Variants in FMN2 observed in about 807,000 individuals in gnomAD.
FMN2 encodes formin-2.
Under a neutral mutation model 142.3 loss-of-function variants are expected in FMN2, and 51 were observed. The ratio of observed to expected loss-of-function variants is 0.36; its 90% confidence interval spans 0.29 to 0.45. The LOEUF (loss-of-function observed/expected upper bound fraction) is 0.45, where lower values mean the gene tolerates loss of function less well. Among genes scored for constraint, FMN2 ranks in the 20% least tolerant of loss-of-function variants. The probability of loss-of-function intolerance (pLI) is 1.00; values close to 1 mark genes in which losing one functional copy is unlikely to be tolerated. For synonymous variants in FMN2, 882 were observed against 869.8 expected (o/e 1.01, Z -0.25); for missense variants, 1,936 against 2,122.8 (o/e 0.91, Z 1.73).
intron 14 of FMN2, among the ~76,000 whole-genome samples, chr1:240,364,691 A>G (rs1455726318): frequency 1.3e-5 from 2 of 152,236 alleles, no homozygotes; most frequent in Admixed American, 6.5e-5. Flanking sequence ...GGGAGTCCCT[A>G]ACCACCGCCT....
chr1:240,118,546 G>T (rs1478378705), intron 1 of FMN2, among the ~76,000 whole-genome samples: 8 of 152,114 alleles, frequency 5.3e-5, no homozygotes, highest in Non-Finnish European at 1.0e-4. Flanking sequence ...GCACAGTGAG[G>T]GATTTGATTT....
chr1:240,125,020 C>T (rs541299332), intron 2 of FMN2, among the ~76,000 whole-genome samples: 1 of 152,302 alleles, frequency 6.6e-6, no homozygotes, highest in South Asian at 2.1e-4. Context: ...CAACAGTGCT[C>T]TCTTATCAGC....
At position 240,208,431 on chromosome 1, in the gene FMN2, C is replaced by A. The variant is rs145138533; in HGVS notation, c.3619C>A (p.Pro1207Thr). The A allele has an allele frequency of 1.9e-6, 3 of 1,595,558 alleles. No homozygotes were observed. Among genetic ancestry groups the A allele is most frequent in the Non-Finnish European group, 2.6e-6 (3 of 1,166,814 alleles). The change falls in exon 5 of 18, where the codon CCC becomes ACC. Residue 1207 changes from proline (P) to threonine (T), a missense_variant. Coordinates refer to ENST00000319653, the MANE Select transcript of FMN2 (RefSeq NM_020066.5). ...PPPPLPGAGI[P>T]PPPPLPGMGI... ...GCCCCCTCTACCTGGTGCTGGGATT[C>A]CCCCACCTCCTCCCTTGCCAGGTAT...
At chr1:240,131,297 T>C (rs142444138) in intron 2 of FMN2, among the ~76,000 whole-genome samples, 90 of 152,286 alleles carry the variant, frequency 5.9e-4, no homozygotes, top group African/African-American at 2.0e-3. Context: ...GAGATATTTA[T>C]AGTACAAGGA....
intron 15 of FMN2, among the ~76,000 whole-genome samples, chr1:240,399,901 A>G (rs1026742180): frequency 1.3e-5 from 2 of 152,178 alleles, no homozygotes; most frequent in East Asian, 3.9e-4. Flanking sequence ...CACTGTCCTA[A>G]TCCTAGCTTT....
At chr1:240,337,211 T>TTC (rs1558440617) in intron 13 of FMN2, among the ~76,000 whole-genome samples, 3 of 142,168 alleles carry the variant, frequency 2.1e-5, no homozygotes, top group African/African-American at 8.5e-5. Flanking sequence ...TTCTTTTTTT[T>TTC]TTTTTTTTTT....
chr1:240,095,702 T>A (rs75871592), intron 1 of FMN2, among the ~76,000 whole-genome samples: 3,739 of 152,040 alleles, frequency 0.025, 142 homozygotes, highest in African/African-American at 0.086. Context: ...TCCTGGAAGA[T>A]CACAAGACCC....
At chr1:240,353,701 AT>A (rs1672171514) in intron 13 of FMN2, among the ~76,000 whole-genome samples, 1 of 152,232 alleles carries the variant, frequency 6.6e-6, no homozygotes, top group Non-Finnish European at 1.5e-5. Flanking sequence ...AAGTAAGCAT[AT>A]TAATCATCTA....
intron 2 of FMN2, among the ~76,000 whole-genome samples, chr1:240,145,645 G>A (rs548740048): frequency 2.0e-5 from 3 of 146,812 alleles, no homozygotes; most frequent in Non-Finnish European, 4.5e-5. Context: ...GAGTAGCGAG[G>A]ACCACAGGCA....
intron 11 of FMN2, among the ~76,000 whole-genome samples, chr1:240,331,435 T>G (rs1671376120): frequency 6.6e-6 from 1 of 152,092 alleles, no homozygotes; most frequent in Non-Finnish European, 1.5e-5. Flanking sequence ...ACGGTAAACT[T>G]AAAAAATAAA....
intron 6 of FMN2, among the ~76,000 whole-genome samples, chr1:240,244,040 T>A (rs7546638): frequency 0.31 from 46,585 of 152,160 alleles, 7,692 homozygotes; most frequent in East Asian, 0.52. Context: ...AGTTTTCACA[T>A]TCTGAGGTTC....
chr1:240,350,689 C>T (rs1672067270), intron 13 of FMN2, among the ~76,000 whole-genome samples: 1 of 152,162 alleles, frequency 6.6e-6, no homozygotes, highest in African/African-American at 2.4e-5. Flanking sequence ...TCCGTTTAAC[C>T]AGTGCTTTGA....
intron 15 of FMN2, among the ~76,000 whole-genome samples, chr1:240,406,551 T>G (rs566810824): frequency 1.3e-5 from 2 of 152,218 alleles, no homozygotes; most frequent in Non-Finnish European, 2.9e-5. Context: ...AACTTCTGTA[T>G]CTCCATTTTC....
intron 14 of FMN2, among the ~76,000 whole-genome samples, chr1:240,382,904 A>G (rs1673279111): frequency 6.6e-6 from 1 of 152,198 alleles, no homozygotes. Context: ...GTACTGGTAC[A>G]AAATTAGGCA....
At position 240,451,277 on chromosome 1, in the gene FMN2, T is replaced by G. The variant is rs557790423; in HGVS notation, c.5060+13067T>G. ...ATGAGGCTGAGGCAGGGGAATCACT[T>G]GAACCTGGGAGGTGGAGGGTGCAGT... On this transcript the variant is annotated intron_variant, in intron 16 of 17. Transcript: ENST00000319653. 1.1e-4 allele frequency among the ~76,000 whole-genome samples: 17 copies of G among 151,122 alleles called. No individual in the cohort carries two copies. In the South Asian group the frequency reaches 3.6e-3, roughly 32 times the overall value.
chr1:240,446,124 A>G (rs1312654930), intron 16 of FMN2, among the ~76,000 whole-genome samples: 1 of 152,218 alleles, frequency 6.6e-6, no homozygotes, highest in Non-Finnish European at 1.5e-5. Context: ...CCAGGATATT[A>G]AGATATTTAC....
intron 6 of FMN2, among the ~76,000 whole-genome samples, chr1:240,228,059 T>C (rs1667377735): frequency 6.6e-6 from 1 of 151,688 alleles, no homozygotes; most frequent in African/African-American, 2.4e-5. Flanking sequence ...ATCCCAGCAC[T>C]TTGGGAGGCC....
rs146891024 is a variant in FMN2, at chr1:240,314,040, A to G, written c.4216-15036A>G. The stretch of plus-strand genomic sequence containing the variant: ...TAACGTGTACATTTTTTTTCAAATT[A>G]TGCTTTTGTACATAAAAAGCTACTA... On this transcript the variant is annotated intron_variant, in intron 8 of 17. Coordinates refer to ENST00000319653, the MANE Select transcript of FMN2 (RefSeq NM_020066.5). 5.0e-3 allele frequency among the ~76,000 whole-genome samples: 766 copies of G among 152,206 alleles called. 6 individuals carry two copies. The highest frequency in any genetic ancestry group is 0.014 in the Middle Eastern group (4 of 294).
chr1:240,109,768 C>A (rs868080613), intron 1 of FMN2, among the ~76,000 whole-genome samples: 1 of 152,132 alleles, frequency 6.6e-6, no homozygotes, highest in South Asian at 2.1e-4. Context: ...CACTGACTCT[C>A]CCTGCGGTAT....
Sources: gnomAD v4.1 joint callset for allele counts (sites outside exome capture counted in the v4.1 genomes callset) on GRCh38, gnomAD v4.1.1 for gene constraint, MANE v1.5 for transcripts, NCBI Gene and HGNC (gene_info 2026-07-23, HGNC 2026-07-21) for gene names.